Variants in PCDH11Y observed in about 807,000 individuals in gnomAD.
PCDH11Y encodes protocadherin 11 Y-linked, also known as protocadherin-11 Y-linked.
For synonymous variants in PCDH11Y, 9 were observed against 83.6 expected, an observed-to-expected ratio of 0.11 and a Z score of 4.87; for missense variants, 12 against 224.8, an observed-to-expected ratio of 0.05 and a Z score of 6.05.
chrY:5,282,481 C>T (rs2053055283), intron 2 of PCDH11Y, among the ~76,000 whole-genome samples: 1 of 34,184 alleles, frequency 2.9e-5, no homozygotes, highest in African/African-American at 1.1e-4. Flanking sequence ...ATTTTAATCA[C>T]GATGATAATA....
At chrY:5,137,547 C>T in intron 2 of PCDH11Y, among the ~76,000 whole-genome samples, 1 of 31,891 alleles carries the variant, frequency 3.1e-5, no homozygotes, top group Admixed American at 2.9e-4. Context: ...TAAGGACTCA[C>T]ATAAACTTAA....
intron 2 of PCDH11Y, among the ~76,000 whole-genome samples, chrY:5,415,960 G>T (rs1602922386): frequency 3.7e-5 from 1 of 27,224 alleles, no homozygotes; most frequent in Admixed American, 3.4e-4. Context: ...TTTTTGTTTT[G>T]TTTTTTTTTT....
chrY:5,691,890 A>T, intron 4 of PCDH11Y, among the ~76,000 whole-genome samples: 1 of 29,225 alleles, frequency 3.4e-5, no homozygotes, highest in Non-Finnish European at 8.1e-5. Context: ...ACATAGGGAA[A>T]CCCTGTATGT....
intron 4 of PCDH11Y, among the ~76,000 whole-genome samples, chrY:5,655,493 G>C (rs2053535216): frequency 3.1e-5 from 1 of 32,261 alleles, no homozygotes; most frequent in Non-Finnish European, 7.5e-5. Flanking sequence ...TTTTTATACA[G>C]GCGATTTTAT....
chrY:5,266,173 T>G, intron 2 of PCDH11Y, among the ~76,000 whole-genome samples: 1 of 33,770 alleles, frequency 3.0e-5, no homozygotes, highest in African/African-American at 1.2e-4. Flanking sequence ...CTAATGATTT[T>G]AATACACCAT....
At chrY:5,626,914 T>G in intron 4 of PCDH11Y, among the ~76,000 whole-genome samples, 1 of 33,108 alleles carries the variant, frequency 3.0e-5, no homozygotes, top group African/African-American at 1.2e-4. Flanking sequence ...GCTAGCATGC[T>G]CCTAAGAGAA....
At chrY:5,162,904 A>C in intron 2 of PCDH11Y, among the ~76,000 whole-genome samples, 1 of 32,747 alleles carries the variant, frequency 3.1e-5, no homozygotes, top group Non-Finnish European at 7.5e-5. Flanking sequence ...GAAGGAGAGG[A>C]GGTGTGAGAC....
At chrY:5,738,478 C>T in exon 5 of PCDH11Y, 1 of 39,512 alleles carries the variant, frequency 2.5e-5, no homozygotes, top group Non-Finnish European at 5.9e-5. Flanking sequence ...TCAAAATACA[C>T]AGTAGGTAGT....
chrY:5,244,401 T>A, intron 2 of PCDH11Y, among the ~76,000 whole-genome samples: 2 of 32,901 alleles, frequency 6.1e-5, no homozygotes, highest in Non-Finnish European at 1.5e-4. Flanking sequence ...CATAACAGCA[T>A]GCAAATCCAG....
intron 2 of PCDH11Y, among the ~76,000 whole-genome samples, chrY:5,356,924 C>T: frequency 3.9e-5 from 1 of 25,603 alleles, no homozygotes; most frequent in Non-Finnish European, 8.8e-5. Context: ...CAGTGGCTCA[C>T]GCTTGTAATC....
intron 2 of PCDH11Y, among the ~76,000 whole-genome samples, chrY:5,212,649 G>A: frequency 3.1e-5 from 1 of 32,314 alleles, no homozygotes; most frequent in East Asian, 8.1e-4. Context: ...CTGTATTATA[G>A]TATAGAGCTA....
At chrY:5,137,599 A>ATGC (rs2052842158) in intron 2 of PCDH11Y, among the ~76,000 whole-genome samples, 1 of 32,652 alleles carries the variant, frequency 3.1e-5, no homozygotes, top group East Asian at 8.2e-4. Context: ...AATGGAAACC[A>ATGC]AAAGCAACTA....
chrY:5,338,517 C>T, intron 2 of PCDH11Y: 4 of 394,614 alleles, frequency 1.0e-5, no homozygotes, highest in Non-Finnish European at 1.4e-5. Context: ...TGGGGAGCTT[C>T]CATCTGCAGT....
chrY:5,558,968 AT>A (rs2053426348), intron 3 of PCDH11Y, among the ~76,000 whole-genome samples: 3 of 32,742 alleles, frequency 9.2e-5, no homozygotes, highest in Non-Finnish European at 1.5e-4. Context: ...TGCTGAAAAA[AT>A]ATATATGGGA....
At chrY:5,149,607 CACAT>C (rs2052862255) in intron 2 of PCDH11Y, among the ~76,000 whole-genome samples, 4 of 23,846 alleles carry the variant, frequency 1.7e-4, no homozygotes, top group Non-Finnish European at 2.8e-4. Flanking sequence ...CACACACACA[CACAT>C]ATATATATAG....
intron 4 of PCDH11Y, among the ~76,000 whole-genome samples, chrY:5,677,709 G>A: frequency 3.0e-5 from 1 of 32,898 alleles, no homozygotes; most frequent in African/African-American, 1.2e-4. Flanking sequence ...TGTGCTTGAA[G>A]TTCTATATGA....
chrY:5,658,453 A>C, intron 4 of PCDH11Y, among the ~76,000 whole-genome samples: 2 of 33,265 alleles, frequency 6.0e-5, no homozygotes, highest in African/African-American at 2.3e-4. Context: ...AATAACACTT[A>C]GATTTACCCT....
intron 1 of PCDH11Y, among the ~76,000 whole-genome samples, chrY:5,087,035 G>A: frequency 3.0e-5 from 1 of 33,661 alleles, no homozygotes; most frequent in Non-Finnish European, 7.4e-5. Flanking sequence ...CCATCTGGAA[G>A]TGAGGGACTA....
intron 2 of PCDH11Y, among the ~76,000 whole-genome samples, chrY:5,326,281 G>A (rs1602904744): frequency 3.1e-5 from 1 of 32,358 alleles, no homozygotes; most frequent in East Asian, 8.4e-4. Flanking sequence ...TTCCTGACTC[G>A]GGCATGTTGA....
Sources: allele counts gnomAD v4.1 joint callset (sites outside exome capture counted in the v4.1 genomes callset), GRCh38; gene constraint gnomAD v4.1.1; transcripts MANE v1.5; gene names NCBI Gene and HGNC (gene_info 2026-07-23, HGNC 2026-07-21).